Variants in PARD3B observed in about 807,000 individuals in gnomAD.
PARD3B encodes the protein par-3 family cell polarity regulator beta, also known as partitioning defective 3 homolog B.
A neutral mutation model predicts 130.2 loss-of-function variants in PARD3B; 103 were observed. The observed-to-expected ratio is 0.79, with a 90% CI of 0.67 to 0.93. The LOEUF is 0.93. Among genes scored for constraint, PARD3B ranks in the 40% least tolerant of loss-of-function variants. PARD3B has a pLI of 0.00. For missense variants in PARD3B, 1,609 were observed against 1,499.2 expected, an observed-to-expected ratio of 1.07 and a Z score of -1.21; for synonymous variants, 583 against 553.2, an observed-to-expected ratio of 1.05 and a Z score of -0.76.
At chr2:205,610,726 T>C (rs1265465305) in intron 22 of PARD3B, among the ~76,000 whole-genome samples, 3 of 152,186 alleles carry the variant, frequency 2.0e-5, no homozygotes, top group Non-Finnish European at 2.9e-5. Context: ...TTTACAGTCA[T>C]TCTGTGTTGG....
rs142450232 is a variant in PARD3B at position 205,014,784 on chromosome 2, G to A, written c.395-32797G>A. 4.6e-5 allele frequency among the ~76,000 whole-genome samples: 7 copies of A among 152,224 alleles called. No homozygotes were observed. The East Asian group carries it at 1.4e-3, about 29-fold the overall frequency. On this transcript the variant is annotated intron_variant, in intron 3 of 22. Coordinates refer to ENST00000406610, the MANE Select transcript of PARD3B (RefSeq NM_001302769.2). ...TGCAAACTTTGAGAAGTGCCACAAA[G>A]GCAAGAGTATTCAGGAAACCCAGTT...
At chr2:205,212,912 C>G (rs575656022) in intron 15 of PARD3B, among the ~76,000 whole-genome samples, 1 of 152,266 alleles carries the variant, frequency 6.6e-6, no homozygotes, top group African/African-American at 2.4e-5. Flanking sequence ...ATCTTCATAG[C>G]TGTATGTCAG....
chr2:205,580,728 A>G (rs1233486421), intron 22 of PARD3B, among the ~76,000 whole-genome samples: 3 of 152,210 alleles, frequency 2.0e-5, no homozygotes, highest in African/African-American at 7.2e-5. Context: ...GTCATATAAG[A>G]GAGATTTTAA....
intron 20 of PARD3B, among the ~76,000 whole-genome samples, chr2:205,489,472 C>T (rs2878750): frequency 0.41 from 59,683 of 145,046 alleles, 12,846 homozygotes; most frequent in Admixed American, 0.51. Context: ...TAAGACTCTG[C>T]CTCTAAATAT....
intron 1 of PARD3B, among the ~76,000 whole-genome samples, chr2:204,558,813 A>C (rs1050582035): frequency 9.9e-5 from 15 of 152,212 alleles, no homozygotes; most frequent in African/African-American, 3.1e-4. Context: ...TACAGTAACC[A>C]AAACAGTATG....
At chr2:204,928,607 G>A (rs1012066688) in intron 2 of PARD3B, among the ~76,000 whole-genome samples, 12 of 152,008 alleles carry the variant, frequency 7.9e-5, no homozygotes, top group African/African-American at 2.9e-4. Flanking sequence ...CTCCTGGATA[G>A]GACAGTCATC....
At position 205,530,314 on chromosome 2, in the gene PARD3B, G is replaced by A. The variant is rs559500179; in HGVS notation, c.3181-23010G>A. 1.3e-5 allele frequency among the ~76,000 whole-genome samples: 2 copies of A among 152,260 alleles called. No individual in the cohort carries two copies. Among genetic ancestry groups the A allele is most frequent in the East Asian group, 3.9e-4 (2 of 5,176 alleles). ...ACAACAGGGTTAAACAAGACTTGAGGACTTTTAGGTGAGGAGTAGATGCCA... is the reference window on the plus strand; with the variant it reads ...ACAACAGGGTTAAACAAGACTTGAGAACTTTTAGGTGAGGAGTAGATGCCA... On this transcript the variant is annotated intron_variant, in intron 21 of 22. Coordinates refer to ENST00000406610, the MANE Select transcript of PARD3B (RefSeq NM_001302769.2). The surrounding 1 kb of genome is among the most constrained non-coding windows in gnomAD (Gnocchi z 4.7).
At chr2:205,364,895 G>A (rs13033820) in intron 18 of PARD3B, among the ~76,000 whole-genome samples, 90,436 of 151,986 alleles carry the variant, frequency 0.6, 30,422 homozygotes, top group South Asian at 0.77. Context: ...TTACCCCAAG[G>A]CCTCTCTTAG....
chr2:205,567,481 A>ATTT (rs61638177), intron 22 of PARD3B, among the ~76,000 whole-genome samples: 10 of 113,472 alleles, frequency 8.8e-5, no homozygotes, highest in East Asian at 2.6e-4. Flanking sequence ...TGCCCGGTTA[A>ATTT]TTTTTTTTTT....
intron 2 of PARD3B, among the ~76,000 whole-genome samples, chr2:204,745,510 C>A (rs1271352087): frequency 6.6e-6 from 1 of 151,576 alleles, no homozygotes; most frequent in Non-Finnish European, 1.5e-5. Context: ...TCAAGTGATT[C>A]TCCTGCCTCA....
chr2:205,179,450 T>C (rs1218122407), intron 13 of PARD3B, among the ~76,000 whole-genome samples: 1 of 152,234 alleles, frequency 6.6e-6, no homozygotes, highest in Non-Finnish European at 1.5e-5. Context: ...GCTCCATTCA[T>C]GGTAAGTGTC....
At chr2:205,236,096 G>T (rs185347736) in intron 15 of PARD3B, among the ~76,000 whole-genome samples, 94 of 152,314 alleles carry the variant, frequency 6.2e-4, no homozygotes, top group Admixed American at 3.7e-3. Context: ...CAACTAAAAT[G>T]TAATGGACAA....
chr2:205,476,492 G>C (rs2049026771), intron 20 of PARD3B, among the ~76,000 whole-genome samples: 1 of 152,134 alleles, frequency 6.6e-6, no homozygotes, highest in African/African-American at 2.4e-5. Context: ...AGCAGTGAAT[G>C]TGGATTGGAA....
chr2:204,716,747 T>C (rs1467948552), intron 2 of PARD3B, among the ~76,000 whole-genome samples: 2 of 151,400 alleles, frequency 1.3e-5, no homozygotes, highest in East Asian at 2.0e-4. Context: ...CTCATCCTCC[T>C]GAGTAGCTGG....
At chr2:205,070,341 A>G (rs1167202650) in intron 4 of PARD3B, among the ~76,000 whole-genome samples, 4 of 151,786 alleles carry the variant, frequency 2.6e-5, no homozygotes, top group African/African-American at 7.3e-5. Context: ...CCAGTTCTCC[A>G]GCTGTTTTTT....
At chr2:204,685,923 C>G (rs2037054874) in intron 1 of PARD3B, among the ~76,000 whole-genome samples, 1 of 152,052 alleles carries the variant, frequency 6.6e-6, no homozygotes. Flanking sequence ...GTTTTTCAAA[C>G]AGTTTATTTT....
chr2:204,685,099 T>C (rs2037014175), intron 1 of PARD3B, among the ~76,000 whole-genome samples: 1 of 152,164 alleles, frequency 6.6e-6, no homozygotes, highest in Admixed American at 6.5e-5. Context: ...TCTATTAGCT[T>C]TTATGAAATT....
chr2:205,163,180 A>G (rs2034606539), intron 11 of PARD3B, among the ~76,000 whole-genome samples: 1 of 152,172 alleles, frequency 6.6e-6, no homozygotes, highest in South Asian at 2.1e-4. Flanking sequence ...TGGGAGTGGT[A>G]TGTCTCCTAC....
In PARD3B at chr2:205,011,950, A is replaced by G. The variant is rs2125310480; in HGVS notation, c.395-35631A>G. ...GCAGTCTCTGGAGCACAGACTGAGGAATGGAAATGGGCCAAGGCCTCGTTG... is the reference window on the plus strand; with the variant it reads ...GCAGTCTCTGGAGCACAGACTGAGGGATGGAAATGGGCCAAGGCCTCGTTG... On this transcript the variant is annotated intron_variant, in intron 3 of 22. Transcript: ENST00000406610. The surrounding 1 kb of genome is among the most constrained non-coding windows in gnomAD (Gnocchi z 4.1). 6.6e-6 allele frequency among the ~76,000 whole-genome samples: 1 copy of G among 152,274 alleles called. No homozygotes were observed. The highest frequency in any genetic ancestry group is 2.4e-5 in the African/African-American group (1 of 41,560).
Sources: gnomAD v4.1 joint callset for allele counts (sites outside exome capture counted in the v4.1 genomes callset) on GRCh38, gnomAD v4.1.1 for gene constraint, Gnocchi (gnomAD v3.1) non-coding constraint, MANE v1.5 for transcripts, NCBI Gene and HGNC (gene_info 2026-07-23, HGNC 2026-07-21) for gene names.